Variants in ZNF423 observed in about 807,000 individuals in gnomAD.
ZNF423 encodes the protein Ebf-associated zinc finger protein.
In ZNF423, 12 loss-of-function variants were observed where a neutral mutation model predicts 95.8. That is an observed-to-expected ratio of 0.13 (90% CI 0.08 to 0.20). The LOEUF (loss-of-function observed/expected upper bound fraction) is 0.20, where lower values mean the gene tolerates loss of function less well. Among genes scored for constraint, ZNF423 ranks in the 10% least tolerant of loss-of-function variants. ZNF423 has a pLI of 1.00. For synonymous variants in ZNF423, 749 were observed against 711.9 expected (o/e 1.05, Z -0.83); for missense variants, 1,316 against 1,737.1 (o/e 0.76, Z 4.31).
At chr16:49,795,115 A>G (rs1597016089) in intron 1 of ZNF423, among the ~76,000 whole-genome samples, 1 of 151,654 alleles carries the variant, frequency 6.6e-6, no homozygotes, top group Non-Finnish European at 1.5e-5. Context: ...CAGGTTATCC[A>G]CCTGCCTCAG....
At chr16:49,722,882 T>C (rs1381448861) in intron 3 of ZNF423, among the ~76,000 whole-genome samples, 2 of 152,146 alleles carry the variant, frequency 1.3e-5, no homozygotes, top group African/African-American at 4.8e-5. Context: ...ATCTGTGCCA[T>C]TCTGGTATTT....
At chr16:49,546,303 C>G (rs1969435817) in intron 5 of ZNF423, among the ~76,000 whole-genome samples, 2 of 152,108 alleles carry the variant, frequency 1.3e-5, no homozygotes, top group South Asian at 4.2e-4. Flanking sequence ...ATTTCAACAC[C>G]CCTCCATCCA....
chr16:49,697,215 C>T lies in ZNF423; in HGVS notation c.301+33556G>A, dbSNP rs540499625. ...AGTCAGAAGCCTCTCAGTCCCTAACCCACCAGGTCCTTCTGTCACCTGGTT... is the reference window on the plus strand; with the variant it reads ...AGTCAGAAGCCTCTCAGTCCCTAACTCACCAGGTCCTTCTGTCACCTGGTT... On this transcript the variant is annotated intron_variant, in intron 3 of 7. Transcript: ENST00000563137. 4.6e-5 allele frequency among the ~76,000 whole-genome samples: 7 copies of T among 152,274 alleles called. No homozygotes were observed. In the South Asian group the frequency reaches 1.5e-3, roughly 32 times the overall value.
intron 2 of ZNF423, among the ~76,000 whole-genome samples, chr16:49,753,644 G>A (rs1368111338): frequency 6.6e-6 from 1 of 151,702 alleles, no homozygotes; most frequent in East Asian, 1.9e-4. Flanking sequence ...GACAGGAACT[G>A]TTGAAAAGCA....
intron 5 of ZNF423, among the ~76,000 whole-genome samples, chr16:49,552,903 G>C (rs1207293072): frequency 2.0e-5 from 3 of 151,868 alleles, no homozygotes; most frequent in Non-Finnish European, 4.4e-5. Context: ...GAAGAGACCC[G>C]ACCCCACCTG....
intron 3 of ZNF423, among the ~76,000 whole-genome samples, chr16:49,677,739 G>A (rs1293553332): frequency 7.1e-6 from 1 of 141,500 alleles, no homozygotes; most frequent in Non-Finnish European, 1.5e-5. Context: ...GGATAAAAGA[G>A]CAAGACCCTG....
intron 3 of ZNF423, among the ~76,000 whole-genome samples, chr16:49,682,079 C>T (rs4347625): frequency 6.6e-6 from 1 of 151,864 alleles, no homozygotes; most frequent in Admixed American, 6.6e-5. Context: ...CCCCAGTCTC[C>T]TGTTCCTCCT....
chr16:49,494,076 GACACA>G (rs1967068581), intron 7 of ZNF423, among the ~76,000 whole-genome samples: 1 of 152,174 alleles, frequency 6.6e-6, no homozygotes, highest in Non-Finnish European at 1.5e-5. Context: ...GGCTCAGTGT[GACACA>G]CATGGCCCAC....
At chr16:49,577,705 G>A (rs74017974) in intron 5 of ZNF423, among the ~76,000 whole-genome samples, 3 of 152,176 alleles carry the variant, frequency 2.0e-5, no homozygotes, top group South Asian at 2.1e-4. Flanking sequence ...AGGCAGTGCC[G>A]ACCCTCCTCA....
At chr16:49,854,657 G>T in intron 1 of ZNF423, 1 of 985,352 alleles carries the variant, frequency 1.0e-6, no homozygotes, top group Non-Finnish European at 1.2e-6. Flanking sequence ...GGCTAGAATC[G>T]GGACAAAGCA....
intron 1 of ZNF423, among the ~76,000 whole-genome samples, chr16:49,815,881 A>AATATATATATATATAT (rs1169322824): frequency 2.1e-5 from 1 of 47,606 alleles, no homozygotes; most frequent in African/African-American, 9.9e-5. Flanking sequence ...AAAAAAAAAA[A>AATATATATATATATAT]ATATATATAT....
At chr16:49,514,478 T>A (rs1968049090) in intron 7 of ZNF423, among the ~76,000 whole-genome samples, 1 of 152,044 alleles carries the variant, frequency 6.6e-6, no homozygotes, top group Non-Finnish European at 1.5e-5. Context: ...AAGGGCTGAA[T>A]CAAATGTTCT....
At chr16:49,520,630 A>G (rs1046677933) in intron 7 of ZNF423, among the ~76,000 whole-genome samples, 2 of 152,178 alleles carry the variant, frequency 1.3e-5, no homozygotes, top group Admixed American at 1.3e-4. Flanking sequence ...ACCTCAAACT[A>G]CACAAGGCCA....
At chr16:49,765,618 G>A (rs1310723272) in intron 2 of ZNF423, among the ~76,000 whole-genome samples, 2 of 152,062 alleles carry the variant, frequency 1.3e-5, no homozygotes, top group African/African-American at 2.4e-5. Context: ...TACTTGGGAA[G>A]CTGAGGCAGG....
At chr16:49,546,857 G>C (rs1969460490) in intron 5 of ZNF423, among the ~76,000 whole-genome samples, 1 of 152,124 alleles carries the variant, frequency 6.6e-6, no homozygotes, top group South Asian at 2.1e-4. Flanking sequence ...CAAAGCAAGA[G>C]AGAAGAAAGA....
intron 2 of ZNF423, among the ~76,000 whole-genome samples, chr16:49,757,037 G>A (rs1272160896): frequency 6.6e-6 from 1 of 152,174 alleles, no homozygotes; most frequent in Non-Finnish European, 1.5e-5. Flanking sequence ...TAGACAACTG[G>A]CCCTGTGCAA....
chr16:49,655,892 C>T (rs930315280), intron 3 of ZNF423, among the ~76,000 whole-genome samples: 1 of 152,216 alleles, frequency 6.6e-6, no homozygotes, highest in Non-Finnish European at 1.5e-5. Flanking sequence ...TTGCAGAGCA[C>T]ATACAATTGA....
chr16:49,646,574 C>CTTTTTTTTTTTTTTTTTTTTTTTTTTTT lies in ZNF423; in HGVS notation c.302-7701_302-7700insAAAAAAAAAAAAAAAAAAAAAAAAAAAA. 1.6e-3 allele frequency among the ~76,000 whole-genome samples: 184 copies of CTTTTTTTTTTTTTTTTTTTTTTTTTTTT among 117,940 alleles called. 11 individuals carry two copies. The highest frequency in any genetic ancestry group is 2.4e-3 in the Non-Finnish European group (126 of 53,608). The allele number at this position is 117,940 out of a possible 152,430, so 77.4% of individuals were successfully genotyped here. On this transcript the variant is annotated intron_variant, in intron 3 of 7. Transcript: ENST00000563137. Reference sequence around the variant, plus strand: ...TTATGGCACATTTTCTTTTCTTTTTCTTTTTTTTTTTTTTGAGAAGGAGTC... The same window carrying CTTTTTTTTTTTTTTTTTTTTTTTTTTTT: ...TTATGGCACATTTTCTTTTCTTTTTCTTTTTTTTTTTTTTTTTTTTTTTTTTTTTTTTTTTTTTTTTTGAGAAGGAGTC...
intron 2 of ZNF423, among the ~76,000 whole-genome samples, chr16:49,746,195 T>C (rs937695933): frequency 6.6e-6 from 1 of 152,142 alleles, no homozygotes; most frequent in Non-Finnish European, 1.5e-5. Context: ...CAGGCTCTGT[T>C]TCCCCACCTA....
Sources: allele counts gnomAD v4.1 joint callset (sites outside exome capture counted in the v4.1 genomes callset), GRCh38; gene constraint gnomAD v4.1.1; transcripts MANE v1.5; gene names NCBI Gene and HGNC (gene_info 2026-07-23, HGNC 2026-07-21).